Variants in CNTNAP4 observed in about 807,000 individuals in gnomAD.
The protein encoded by CNTNAP4 is contactin-associated protein-like 4.
In CNTNAP4, 98 loss-of-function variants were observed where a neutral mutation model predicts 148.4. The observed-to-expected ratio is 0.66, with a 90% CI of 0.56 to 0.78. The LOEUF is 0.78. CNTNAP4 is among the 30% of genes least tolerant of loss of function. The pLI, the probability that CNTNAP4 is intolerant of heterozygous loss-of-function variation, is 0.00. For missense variants in CNTNAP4, 1,935 were observed against 1,565.6 expected (o/e 1.24, Z -3.98); for synonymous variants, 730 against 565.1 (o/e 1.29, Z -4.14).
At chr16:76,449,939 A>G (rs2080398563) in intron 7 of CNTNAP4, 81 bp downstream of exon 7, 3 of 1,261,174 alleles carry the variant, frequency 2.4e-6, no homozygotes, top group East Asian at 2.6e-5. Flanking sequence ...TTAGGTTCCC[A>G]TTTGACATGG....
chr16:76,419,796 T>C (rs1465276584), intron 3 of CNTNAP4, among the ~76,000 whole-genome samples: 3 of 152,062 alleles, frequency 2.0e-5, no homozygotes. Flanking sequence ...AATTCACTTC[T>C]TGGTTAGGGT....
chr16:76,362,595 A>C (rs1165235908), intron 3 of CNTNAP4, among the ~76,000 whole-genome samples: 1 of 152,242 alleles, frequency 6.6e-6, no homozygotes, highest in Non-Finnish European at 1.5e-5. Context: ...GTCCAGAAAT[A>C]AACCCATACA....
chr16:76,449,577 A>G (rs1568215855), intron 6 of CNTNAP4, 138 bp from the exon 7 acceptor site: 6 of 640,862 alleles, frequency 9.4e-6, no homozygotes, highest in East Asian at 3.3e-5. Flanking sequence ...TTTTAAATCT[A>G]TATCTTAATT....
chr16:76,304,307 A>G (rs1597131489), intron 1 of CNTNAP4, among the ~76,000 whole-genome samples: 1 of 152,182 alleles, frequency 6.6e-6, no homozygotes, highest in East Asian at 1.9e-4. Context: ...TTCTGGCTTC[A>G]GTGCAAGGCG....
intron 3 of CNTNAP4, among the ~76,000 whole-genome samples, chr16:76,376,200 A>G (rs562067925): frequency 6.6e-6 from 1 of 152,280 alleles, no homozygotes; most frequent in South Asian, 2.1e-4. Context: ...CAAAAAAAAT[A>G]CAACTCATGC....
chr16:76,295,967 C>T (rs552026181), intron 1 of CNTNAP4, among the ~76,000 whole-genome samples: 10 of 152,218 alleles, frequency 6.6e-5, no homozygotes, highest in Non-Finnish European at 4.4e-5. Flanking sequence ...AGATTACAGA[C>T]ATGTGCCACC....
intron 3 of CNTNAP4, among the ~76,000 whole-genome samples, chr16:76,363,433 A>G (rs972452417): frequency 4.6e-5 from 7 of 152,072 alleles, no homozygotes; most frequent in African/African-American, 1.7e-4. Flanking sequence ...AAGTGCTGAG[A>G]TTACAGGCGT....
chr16:76,322,383 C>G (rs1478670937), intron 2 of CNTNAP4, among the ~76,000 whole-genome samples: 2 of 152,180 alleles, frequency 1.3e-5, no homozygotes, highest in African/African-American at 2.4e-5. Context: ...CTCCCAGACA[C>G]ACTTGAACTT....
chr16:76,328,337 G>A (rs1206792403), intron 2 of CNTNAP4, among the ~76,000 whole-genome samples: 1 of 152,106 alleles, frequency 6.6e-6, no homozygotes, highest in Non-Finnish European at 1.5e-5. Context: ...CCTACCTGAA[G>A]TATAGAATCT....
intron 10 of CNTNAP4, among the ~76,000 whole-genome samples, chr16:76,470,825 A>G (rs1441007392): frequency 1.3e-5 from 2 of 152,004 alleles, no homozygotes; most frequent in African/African-American, 2.4e-5. Context: ...CATTCATACC[A>G]CATGGCTATT....
intron 3 of CNTNAP4, 62 bp downstream of exon 3, chr16:76,355,573 GT>G: frequency 4.9e-6 from 6 of 1,212,502 alleles, no homozygotes; most frequent in African/African-American, 1.6e-5. Context: ...ACTGCATCTT[GT>G]TTACCAATCT....
intron 3 of CNTNAP4, among the ~76,000 whole-genome samples, chr16:76,413,584 T>C (rs2078875758): frequency 6.6e-6 from 1 of 150,992 alleles, no homozygotes; most frequent in African/African-American, 2.4e-5. Context: ...CCCTCCAACT[T>C]TGTTTTTCTT....
At chr16:76,353,179 A>C (rs996862648) in intron 2 of CNTNAP4, among the ~76,000 whole-genome samples, 1 of 152,168 alleles carries the variant, frequency 6.6e-6, no homozygotes, top group Non-Finnish European at 1.5e-5. Flanking sequence ...TGTGCTTTTG[A>C]CACATGGAGT....
At chr16:76,436,257 G>A (rs1486035678) in intron 4 of CNTNAP4, among the ~76,000 whole-genome samples, 2 of 152,088 alleles carry the variant, frequency 1.3e-5, no homozygotes, top group Non-Finnish European at 2.9e-5. Flanking sequence ...TACTGGGGAT[G>A]GGAAAGCTGT....
intron 3 of CNTNAP4, among the ~76,000 whole-genome samples, chr16:76,369,263 T>G (rs1329987227): frequency 6.6e-6 from 1 of 152,206 alleles, no homozygotes; most frequent in African/African-American, 2.4e-5. Context: ...AGTTATTCAT[T>G]TCATATAATT....
At chr16:76,524,002 C>G (rs2083603139) in intron 17 of CNTNAP4, among the ~76,000 whole-genome samples, 1 of 152,074 alleles carries the variant, frequency 6.6e-6, no homozygotes, top group African/African-American at 2.4e-5. Context: ...TGATCAGATC[C>G]CCATTACACC....
chr16:76,533,686 A>G (rs1250308225), intron 17 of CNTNAP4, among the ~76,000 whole-genome samples: 1 of 151,984 alleles, frequency 6.6e-6, no homozygotes, highest in African/African-American at 2.4e-5. Context: ...TTAAAAAAAA[A>G]ATGGCAGAAG....
At chr16:76,337,403 C>T (rs563440859) in intron 2 of CNTNAP4, among the ~76,000 whole-genome samples, 122 of 152,184 alleles carry the variant, frequency 8.0e-4, no homozygotes, top group African/African-American at 2.6e-3. Flanking sequence ...CATCACATAT[C>T]GACAGGTTCT....
intron 2 of CNTNAP4, among the ~76,000 whole-genome samples, chr16:76,328,993 G>A (rs1019617207): frequency 6.6e-6 from 1 of 152,148 alleles, no homozygotes; most frequent in Non-Finnish European, 1.5e-5. Flanking sequence ...GGAACCCTCT[G>A]TAATATTCTT....
Sources: gnomAD v4.1 joint callset for allele counts (sites outside exome capture counted in the v4.1 genomes callset) on GRCh38, gnomAD v4.1.1 for gene constraint, MANE v1.5 for transcripts, NCBI Gene and HGNC (gene_info 2026-07-23, HGNC 2026-07-21) for gene names.